The following BRINP3 variants were observed in gnomAD, a reference collection of about 807,000 sequenced individuals.
BRINP3 encodes BMP/retinoic acid inducible neural specific 3, also known as BMP/retinoic acid-inducible neural-specific protein 3.
BRINP3 carries 19 observed loss-of-function variants against 71.0 expected under a neutral mutation model. The ratio of observed to expected loss-of-function variants is 0.27; its 90% confidence interval spans 0.19 to 0.39. The LOEUF (loss-of-function observed/expected upper bound fraction) is 0.39. Ranked by LOEUF, BRINP3 falls within the 10% of genes least tolerant of loss-of-function variation. The pLI, the probability that BRINP3 is intolerant of heterozygous loss-of-function variation, is 1.00. For missense variants in BRINP3, 959 were observed against 940.8 expected (o/e 1.02, Z -0.25); for synonymous variants, 380 against 337.7 (o/e 1.13, Z -1.37).
intron 2 of BRINP3, among the ~76,000 whole-genome samples, chr1:190,330,313 G>C (rs1019458225): frequency 8.6e-5 from 13 of 151,986 alleles, no homozygotes; most frequent in African/African-American, 2.7e-4. Context: ...CATTAAAAAT[G>C]GGCAAAATAC....
At chr1:190,420,858 T>C (rs533186876) in intron 2 of BRINP3, among the ~76,000 whole-genome samples, 134 of 151,914 alleles carry the variant, frequency 8.8e-4, no homozygotes, top group African/African-American at 2.6e-3. Context: ...AAAAAGACAA[T>C]GTTTCCAGGG....
At chr1:190,273,263 ATGAT>A (rs771648244) in intron 3 of BRINP3, among the ~76,000 whole-genome samples, 20 of 151,654 alleles carry the variant, frequency 1.3e-4, no homozygotes, top group East Asian at 1.9e-4. Context: ...AATCAACTAA[ATGAT>A]TGCGTTCAAA....
rs535410768 is a variant in BRINP3 at position 190,191,397 on chromosome 1, C to T, written c.962-30507G>A. 3.6e-4 allele frequency among the ~76,000 whole-genome samples: 55 copies of T among 152,058 alleles called. 1 individual carries two copies. The highest frequency in any genetic ancestry group is 4.2e-4 in the South Asian group (2 of 4,818). On this transcript the variant is annotated intron_variant, in intron 6 of 7. Coordinates refer to ENST00000367462, the MANE Select transcript of BRINP3 (RefSeq NM_199051.3). Reference sequence around the variant, plus strand: ...CACCTATTGACCCATCCTCTAAGCTCCCTCCCCTCACCTCCACCCCTCAAC... The same window carrying T: ...CACCTATTGACCCATCCTCTAAGCTTCCTCCCCTCACCTCCACCCCTCAAC...
intron 2 of BRINP3, among the ~76,000 whole-genome samples, chr1:190,360,757 C>G (rs1369014006): frequency 6.6e-6 from 1 of 151,874 alleles, no homozygotes; most frequent in East Asian, 2.0e-4. Context: ...TTCCTGTTCT[C>G]AAAAACAACT....
intron 7 of BRINP3, among the ~76,000 whole-genome samples, chr1:190,107,359 CATGT>C (rs1652263572): frequency 6.6e-6 from 1 of 151,858 alleles, no homozygotes; most frequent in Admixed American, 6.6e-5. Flanking sequence ...CTAAATATGT[CATGT>C]ACAATTTCAA....
At chr1:190,275,586 T>C (rs917063466) in intron 3 of BRINP3, among the ~76,000 whole-genome samples, 2 of 151,594 alleles carry the variant, frequency 1.3e-5, no homozygotes, top group Non-Finnish European at 3.0e-5. Context: ...TGAATGTTCA[T>C]TTAAGGAAGA....
At chr1:190,313,149 C>A (rs937643515) in intron 2 of BRINP3, among the ~76,000 whole-genome samples, 1 of 151,718 alleles carries the variant, frequency 6.6e-6, no homozygotes, top group South Asian at 2.1e-4. Context: ...TATTTCAGAA[C>A]ACTACAATTA....
intron 7 of BRINP3, among the ~76,000 whole-genome samples, chr1:190,132,612 T>A (rs1278089500): frequency 6.6e-6 from 1 of 152,076 alleles, no homozygotes; most frequent in Non-Finnish European, 1.5e-5. Flanking sequence ...ATCAGACACA[T>A]AACATAATAA....
At chr1:190,333,582 T>C (rs573756039) in intron 2 of BRINP3, among the ~76,000 whole-genome samples, 57 of 152,110 alleles carry the variant, frequency 3.7e-4, no homozygotes, top group Middle Eastern at 3.4e-3. Flanking sequence ...TATCAAATTA[T>C]GGCATCACCT....
chr1:190,203,766 TATATATATATATATATATATATATATA>T (rs1191416063), intron 6 of BRINP3, among the ~76,000 whole-genome samples: 1 of 3,508 alleles, frequency 2.9e-4, no homozygotes, highest in Non-Finnish European at 5.1e-4. Flanking sequence ...TATATATATA[TATATATATATATATATATATATATATA>T]TATATATATA....
intron 6 of BRINP3, among the ~76,000 whole-genome samples, chr1:190,212,850 C>T (rs147014468): frequency 7.9e-4 from 121 of 152,204 alleles, no homozygotes; most frequent in African/African-American, 2.7e-3. Context: ...TCCAGCTAAC[C>T]TGTGGTGGGC....
chr1:190,131,941 T>C (rs189940115), intron 7 of BRINP3, among the ~76,000 whole-genome samples: 428 of 152,152 alleles, frequency 2.8e-3, no homozygotes, highest in Middle Eastern at 6.8e-3. Context: ...TTAGGATGGA[T>C]AAGAAAACAT....
At chr1:190,475,012 A>G (rs761539844) in intron 1 of BRINP3, among the ~76,000 whole-genome samples, 44 of 151,096 alleles carry the variant, frequency 2.9e-4, no homozygotes, top group Admixed American at 7.9e-4. Context: ...CCAAACCCTC[A>G]CTCTTTGCTT....
chr1:190,219,154 A>T, intron 6 of BRINP3, among the ~76,000 whole-genome samples: 1 of 152,238 alleles, frequency 6.6e-6, no homozygotes, highest in East Asian at 1.9e-4. Flanking sequence ...AATTGGACAG[A>T]TAAAACTGGA....
In BRINP3 at chr1:190,455,577, G is replaced by A. The variant is rs751200883; in HGVS notation, c.-50-637C>T. 2.0e-5 allele frequency among the ~76,000 whole-genome samples: 3 copies of A among 152,072 alleles called. No individual in the cohort carries two copies. In the South Asian group the frequency reaches 6.2e-4, roughly 32 times the overall value. On this transcript the variant is annotated intron_variant, in intron 1 of 7. Coordinates refer to ENST00000367462, the MANE Select transcript of BRINP3 (RefSeq NM_199051.3). Reference sequence around the variant, plus strand: ...CATGAACAGATGTGTGTGTGTGAGAGTGGATGTGAGGAGTAATGTCTTTTC... The same window carrying A: ...CATGAACAGATGTGTGTGTGTGAGAATGGATGTGAGGAGTAATGTCTTTTC...
intron 7 of BRINP3, among the ~76,000 whole-genome samples, chr1:190,118,244 G>A (rs1188757909): frequency 1.3e-5 from 2 of 151,928 alleles, no homozygotes; most frequent in Non-Finnish European, 2.9e-5. Context: ...AGAAAATATG[G>A]TAGCAGTAGT....
At chr1:190,469,313 A>T (rs1388036621) in intron 1 of BRINP3, among the ~76,000 whole-genome samples, 1 of 151,006 alleles carries the variant, frequency 6.6e-6, no homozygotes, top group African/African-American at 2.4e-5. Flanking sequence ...TATATTAGTG[A>T]ACTGGTCTGG....
At chr1:190,441,293 G>A (rs901582225) in intron 2 of BRINP3, among the ~76,000 whole-genome samples, 3 of 152,118 alleles carry the variant, frequency 2.0e-5, no homozygotes, top group Non-Finnish European at 2.9e-5. Flanking sequence ...TGGAATGTAA[G>A]GCAGTAACAT....
At position 190,161,019 on chromosome 1, in the gene BRINP3, G is replaced by T. The variant is rs921389206; in HGVS notation, c.962-129C>A. 54 of 617,922 alleles carry T rather than the reference G, an allele frequency of 8.7e-5. 1 individual carries two copies. Among genetic ancestry groups the T allele is most frequent in the African/African-American group, 2.8e-4 (15 of 53,272 alleles). The allele number at this position is 617,922 out of a possible 1,614,324, so 38.3% of individuals were successfully genotyped here. On this transcript the variant is annotated intron_variant, in intron 6 of 7. Coordinates refer to ENST00000367462, the MANE Select transcript of BRINP3 (RefSeq NM_199051.3). ...GTCAAATTAAGAACAAATAAATACA[G>T]TGCCTCATTTGTGAGTAGCAAATTA...
Sources: gnomAD v4.1 joint callset for allele counts (sites outside exome capture counted in the v4.1 genomes callset) on GRCh38, gnomAD v4.1.1 for gene constraint, MANE v1.5 for transcripts, NCBI Gene and HGNC (gene_info 2026-07-23, HGNC 2026-07-21) for gene names.